Variants in DTNB observed in about 807,000 individuals in gnomAD.
DTNB encodes the protein dystrobrevin beta, also known as DTN-B.
A neutral mutation model predicts 90.7 loss-of-function variants in DTNB; 63 were observed. The ratio of observed to expected loss-of-function variants is 0.69; its 90% CI spans 0.57 to 0.86. The LOEUF (loss-of-function observed/expected upper bound fraction) is 0.86, where lower values mean the gene tolerates loss of function less well. DTNB is among the 40% of genes least tolerant of loss of function. The pLI is 0.00. For synonymous variants in DTNB, 277 were observed against 286.7 expected, an observed-to-expected ratio of 0.97 and a Z score of 0.34; for missense variants, 744 against 807.1, an observed-to-expected ratio of 0.92 and a Z score of 0.95.
chr2:25,461,527 T>C (rs1295641082), intron 10 of DTNB, among the ~76,000 whole-genome samples: 1 of 152,234 alleles, frequency 6.6e-6, no homozygotes, highest in Non-Finnish European at 1.5e-5. Flanking sequence ...GTCAATAGTT[T>C]ACAATTCAGA....
At chr2:25,530,190 C>T (rs1172562465) in intron 9 of DTNB, among the ~76,000 whole-genome samples, 2 of 152,246 alleles carry the variant, frequency 1.3e-5, no homozygotes, top group Non-Finnish European at 2.9e-5. Context: ...AATCGCAGCA[C>T]TTTGGGAGGC....
At chr2:25,657,395 C>T (rs1025370477) in intron 1 of DTNB, among the ~76,000 whole-genome samples, 2 of 152,090 alleles carry the variant, frequency 1.3e-5, no homozygotes, top group African/African-American at 2.4e-5. Flanking sequence ...TTTCAAAACA[C>T]GTATCTGATG....
chr2:25,546,226 C>G lies in DTNB; in HGVS notation c.877-14629G>C, dbSNP rs143621196. Among the ~76,000 whole-genome samples, 10 of 152,296 alleles carry G rather than the reference C, an allele frequency of 6.6e-5. No homozygotes were observed. In the East Asian group the frequency reaches 1.9e-3, roughly 29 times the overall value. On this transcript the variant is annotated intron_variant, in intron 8 of 20. Transcript: ENST00000406818. ...TGCATAAGTGGACCAGGGTGGGAACCTGGACAGGACCTTTCCCTATAATAG... is the reference window on the plus strand; with the variant it reads ...TGCATAAGTGGACCAGGGTGGGAACGTGGACAGGACCTTTCCCTATAATAG...
At chr2:25,380,403 T>C (rs1331660359) in intron 19 of DTNB, among the ~76,000 whole-genome samples, 1 of 152,192 alleles carries the variant, frequency 6.6e-6, no homozygotes, top group Admixed American at 6.5e-5. Context: ...TGAGCTACGT[T>C]GTAGTTTCAG....
At chr2:25,610,971 A>G (rs974623291) in intron 4 of DTNB, among the ~76,000 whole-genome samples, 1 of 152,216 alleles carries the variant, frequency 6.6e-6, no homozygotes, top group South Asian at 2.1e-4. Flanking sequence ...CGGCCTCCCA[A>G]AGTGCTGGGA....
chr2:25,425,546 T>C lies in DTNB; in HGVS notation c.1554+1989A>G, dbSNP rs148857559. 2.0e-5 allele frequency among the ~76,000 whole-genome samples: 3 copies of C among 152,340 alleles called. No homozygotes were observed. The East Asian group carries it at 5.8e-4, about 29-fold the overall frequency. The stretch of plus-strand genomic sequence containing the variant: ...CCTGGAGGATGAAATTAGTCTCCTA[T>C]TATCCTTTAGTTTCTTCCCACTCTA... On this transcript the variant is annotated intron_variant, in intron 15 of 20. Coordinates refer to ENST00000406818, the MANE Select transcript of DTNB (RefSeq NM_021907.5).
chr2:25,394,282 A>G (rs1013404362), intron 16 of DTNB, among the ~76,000 whole-genome samples: 4 of 152,244 alleles, frequency 2.6e-5, no homozygotes, highest in Non-Finnish European at 4.4e-5. Context: ...ACCTGAAACC[A>G]TAAAGATTCT....
At chr2:25,410,938 T>C (rs540016103) in intron 16 of DTNB, among the ~76,000 whole-genome samples, 7 of 150,990 alleles carry the variant, frequency 4.6e-5, no homozygotes, top group East Asian at 1.9e-4. Context: ...CCTTTTCTTT[T>C]TTTTTTTTTT....
intron 4 of DTNB, among the ~76,000 whole-genome samples, chr2:25,609,254 CA>C (rs1403249162): frequency 6.6e-6 from 1 of 152,128 alleles, no homozygotes; most frequent in East Asian, 1.9e-4. Context: ...AAGTGGCCCA[CA>C]AAGATGAAGC....
At chr2:25,656,871 A>T (rs1164965462) in intron 1 of DTNB, among the ~76,000 whole-genome samples, 2 of 152,214 alleles carry the variant, frequency 1.3e-5, no homozygotes, top group African/African-American at 4.8e-5. Context: ...AAGTTTCTTA[A>T]ATCTAAAAGG....
At chr2:25,389,960 T>G (rs2040636469) in intron 16 of DTNB, among the ~76,000 whole-genome samples, 1 of 152,092 alleles carries the variant, frequency 6.6e-6, no homozygotes, top group Non-Finnish European at 1.5e-5. Context: ...AATTGGTAAC[T>G]TCATATTGTG....
chr2:25,542,339 TAAG>T (rs1354947868), intron 8 of DTNB, among the ~76,000 whole-genome samples: 3 of 152,372 alleles, frequency 2.0e-5, no homozygotes. Context: ...TGGTAAATTA[TAAG>T]AATACACCCT....
intron 8 of DTNB, among the ~76,000 whole-genome samples, chr2:25,567,213 C>A (rs2059173206): frequency 2.0e-5 from 3 of 152,160 alleles, no homozygotes; most frequent in Admixed American, 6.5e-5. Context: ...TTAATTATGA[C>A]ACGTGGCTAT....
rs142776473 is a variant in DTNB, at chr2:25,422,609, T to A, written c.1555-3074A>T. Among the ~76,000 whole-genome samples the A allele has an allele frequency of 1.7e-3, 256 of 152,196 alleles. 5 individuals are homozygous for A. In the East Asian group the frequency reaches 0.031, roughly 19 times the overall value. On this transcript the variant is annotated intron_variant, in intron 15 of 20. Transcript: ENST00000406818. ...TTAGTAGAGGTGGGATTTCACCATATTGGCCAGGCTGGTCTTGACCTCAGG... is the reference window on the plus strand; with the variant it reads ...TTAGTAGAGGTGGGATTTCACCATAATGGCCAGGCTGGTCTTGACCTCAGG...
rs148496790 is a variant in DTNB, at chr2:25,493,999, GA to G, written c.1002-11127del. Among the ~76,000 whole-genome samples the G allele has an allele frequency of 8.1e-3, 1,229 of 152,190 alleles. 15 individuals carry two copies. Among genetic ancestry groups the G allele is most frequent in the African/African-American group, 0.028 (1,165 of 41,500 alleles). On this transcript the variant is annotated intron_variant, in intron 9 of 20. Coordinates refer to ENST00000406818, the MANE Select transcript of DTNB (RefSeq NM_021907.5). ...AAAAACCAGTACAACAAAATAATAT[GA>G]AAAAATCCTATGAAGTTAACAGTTA...
chr2:25,621,780 G>C (rs1384137518), intron 4 of DTNB, among the ~76,000 whole-genome samples: 2 of 151,678 alleles, frequency 1.3e-5, no homozygotes. Flanking sequence ...TTAAATGGTT[G>C]TTAGCCACAT....
Position 25,652,424 on chromosome 2 carries a change from T to C in DTNB, c.67+170A>G, listed in dbSNP as rs992576936. Among the ~76,000 whole-genome samples, 11 of 152,190 alleles carry C rather than the reference T, an allele frequency of 7.2e-5. No individual in the cohort carries two copies. The South Asian group carries it at 1.5e-3, about 20-fold the overall frequency. On this transcript the variant is annotated intron_variant, in intron 2 of 20. Coordinates refer to ENST00000406818, the MANE Select transcript of DTNB (RefSeq NM_021907.5). ...AAAGCAAGTCAATTCTATTCAAATA[T>C]ATGCTTTGGCTTGGGGTCCTTCAAC...
At chr2:25,532,982 A>G (rs2078546643) in intron 8 of DTNB, among the ~76,000 whole-genome samples, 2 of 152,190 alleles carry the variant, frequency 1.3e-5, no homozygotes, top group South Asian at 2.1e-4. Context: ...GAAACTTCGT[A>G]TATTGGCTCC....
intron 16 of DTNB, among the ~76,000 whole-genome samples, chr2:25,407,684 T>C (rs1392782645): frequency 6.6e-5 from 10 of 152,176 alleles, no homozygotes; most frequent in Non-Finnish European, 1.3e-4. Context: ...GAAAACCAAA[T>C]GCTGTGTGTT....
Sources: allele counts gnomAD v4.1 joint callset (sites outside exome capture counted in the v4.1 genomes callset), GRCh38; gene constraint gnomAD v4.1.1; transcripts MANE v1.5; gene names NCBI Gene and HGNC (gene_info 2026-07-23, HGNC 2026-07-21).